The following TMEM132C variants were observed in gnomAD, a reference collection of about 807,000 sequenced individuals.
TMEM132C encodes the protein transmembrane protein 132C.
A neutral mutation model predicts 61.4 loss-of-function variants in TMEM132C; 29 were observed. The ratio of observed to expected loss-of-function variants is 0.47; its 90% CI spans 0.35 to 0.64. The LOEUF is 0.64. TMEM132C is among the 30% of genes least tolerant of loss of function. The pLI is 0.00. For missense variants in TMEM132C, 1,408 were observed against 1,476.9 expected, an observed-to-expected ratio of 0.95 and a Z score of 0.76; for synonymous variants, 656 against 633.1, an observed-to-expected ratio of 1.04 and a Z score of -0.54.
chr12:128,559,221 C>A (rs1046271158), intron 3 of TMEM132C, among the ~76,000 whole-genome samples: 15 of 151,098 alleles, frequency 9.9e-5, no homozygotes, highest in African/African-American at 3.7e-4. Context: ...CAACTTCAAA[C>A]AATTTTTTTT....
chr12:128,270,471 G>T (rs1411953978), intron 1 of TMEM132C, among the ~76,000 whole-genome samples: 6 of 152,136 alleles, frequency 3.9e-5, no homozygotes, highest in Non-Finnish European at 8.8e-5. Flanking sequence ...ATCAGTGTTG[G>T]CCACGGAATG....
intron 2 of TMEM132C, among the ~76,000 whole-genome samples, chr12:128,503,621 AT>A (rs1872254002): frequency 6.6e-6 from 1 of 152,238 alleles, no homozygotes; most frequent in African/African-American, 2.4e-5. Context: ...GCTAATGCTT[AT>A]GGGATAGTTA....
intron 3 of TMEM132C, among the ~76,000 whole-genome samples, chr12:128,565,774 A>G (rs950656756): frequency 2.6e-5 from 4 of 151,988 alleles, no homozygotes; most frequent in African/African-American, 7.3e-5. Flanking sequence ...GAAATTCACC[A>G]TCTATTTGGG....
At position 128,278,187 on chromosome 12, in the gene TMEM132C, CT is replaced by C. The variant is rs1870755953; in HGVS notation, c.85+10701del. 1.3e-5 allele frequency among the ~76,000 whole-genome samples: 2 copies of C among 152,158 alleles called. No individual in the cohort carries two copies. The highest frequency in any genetic ancestry group is 4.8e-5 in the African/African-American group (2 of 41,442). On this transcript the variant is annotated intron_variant, in intron 1 of 8. Coordinates refer to ENST00000435159, the MANE Select transcript of TMEM132C (RefSeq NM_001136103.3). The surrounding 1 kb of genome is among the most constrained non-coding windows in gnomAD (Gnocchi z 4.2). ...GGAGAACAAAAATCTCAGGGGAAGT[CT>C]ATGTTTCGGGGCATTTGTTCTGCTC...
In TMEM132C at chr12:128,619,462, G is replaced by A. The variant is rs188086389; in HGVS notation, c.1305+3127G>A. Among the ~76,000 whole-genome samples the A allele has an allele frequency of 1.9e-3, 282 of 152,332 alleles. 2 individuals are homozygous for A. Among genetic ancestry groups the A allele is most frequent in the African/African-American group, 6.3e-3 (263 of 41,576 alleles). ...TCTCCCCAGAGCAGACCCTGCAGGC[G>A]GAAGCCACCTGAATCTCACTTGCTG... On this transcript the variant is annotated intron_variant, in intron 4 of 8. Transcript: ENST00000435159.
rs148886286 is a variant in TMEM132C at position 128,268,653 on chromosome 12, C to G, written c.85+1166C>G. 2.9e-3 allele frequency among the ~76,000 whole-genome samples: 437 copies of G among 152,266 alleles called. 5 individuals carry two copies. Among genetic ancestry groups the G allele is most frequent in the African/African-American group, 1.0e-2 (415 of 41,576 alleles). The stretch of plus-strand genomic sequence containing the variant: ...ACACTCAAAGCCACCCTTCTCCCGC[C>G]TAATGCTCTGAGGCTGAGCTAGAAA... On this transcript the variant is annotated intron_variant, in intron 1 of 8. Transcript: ENST00000435159.
Position 128,414,844 on chromosome 12 carries a change from A to C in TMEM132C, c.198A>C (p.Glu66Asp). 2 of 1,549,366 alleles carry C rather than the reference A, an allele frequency of 1.3e-6. No individual in the cohort carries two copies. The highest frequency in any genetic ancestry group is 1.7e-6 in the Non-Finnish European group (2 of 1,147,060). The change falls in exon 2 of 9, where the codon GAA (glutamate) becomes GAC (aspartate). Residue 66 changes from glutamate to aspartate, a missense_variant. Glu to Asp is a conservative substitution (Grantham distance 45). Transcript: ENST00000435159. The stretch of plus-strand genomic sequence containing the variant: ...CAGAGACCTCCTTCTTCCTCAAGGA[A>C]GCCAACCAGGACCTGCTGCGGAACT... Reference protein sequence around the residue: ...LRAETSFFLKEANQDLLRNSS... With the variant: ...LRAETSFFLKDANQDLLRNSS...
At chr12:128,495,225 T>C (rs1871901138) in intron 2 of TMEM132C, among the ~76,000 whole-genome samples, 1 of 152,054 alleles carries the variant, frequency 6.6e-6, no homozygotes, top group Non-Finnish European at 1.5e-5. Context: ...TTCTGTTCTT[T>C]TACATTTGCT....
At position 128,611,627 on chromosome 12, in the gene TMEM132C, G is replaced by A. The variant is rs117620856; in HGVS notation, c.1122-4525G>A. On this transcript the variant is annotated intron_variant, in intron 3 of 8. Coordinates refer to ENST00000435159, the MANE Select transcript of TMEM132C (RefSeq NM_001136103.3). ...CTCAGGTCACAGCAAACTATAAAAT[G>A]CTTTTGCCAGAATATGTAGATACTG... Among the ~76,000 whole-genome samples, 886 of 152,310 alleles carry A rather than the reference G, an allele frequency of 5.8e-3. 4 individuals are homozygous for A. The highest frequency in any genetic ancestry group is 0.01 in the Middle Eastern group (3 of 294).
At chr12:128,465,939 CGAGTGAAGCACTGG>C (rs1870718849) in intron 2 of TMEM132C, among the ~76,000 whole-genome samples, 1 of 151,902 alleles carries the variant, frequency 6.6e-6, no homozygotes, top group South Asian at 2.1e-4. Context: ...TAAGGGAAGG[CGAGTGAAGCACTGG>C]GAGTGAGGTT....
chr12:128,327,959 G>T (rs142975326), intron 1 of TMEM132C, among the ~76,000 whole-genome samples: 3 of 152,148 alleles, frequency 2.0e-5, no homozygotes, highest in African/African-American at 7.2e-5. Context: ...TTTCTTATTA[G>T]ACTTAAAGTC....
At chr12:128,554,280 G>C (rs879423625) in intron 3 of TMEM132C, among the ~76,000 whole-genome samples, 1 of 152,162 alleles carries the variant, frequency 6.6e-6, no homozygotes, top group East Asian at 1.9e-4. Flanking sequence ...GTAAGGAAGC[G>C]GGTGGAATGA....
chr12:128,268,147 C>T lies in TMEM132C; in HGVS notation c.85+660C>T, dbSNP rs545206315. 2.8e-4 allele frequency among the ~76,000 whole-genome samples: 43 copies of T among 152,292 alleles called. 1 individual carries two copies. Among genetic ancestry groups the T allele is most frequent in the South Asian group, 6.2e-4 (3 of 4,824 alleles). On this transcript the variant is annotated intron_variant, in intron 1 of 8. Coordinates refer to ENST00000435159, the MANE Select transcript of TMEM132C (RefSeq NM_001136103.3). Reference sequence around the variant, plus strand: ...AGCGCGGATGGGGAGGTGGGTGCGTCCCTCGCGACGGGAACTACCTCACCA... The same window carrying T: ...AGCGCGGATGGGGAGGTGGGTGCGTTCCTCGCGACGGGAACTACCTCACCA...
At chr12:128,407,346 T>C (rs551839174) in intron 1 of TMEM132C, among the ~76,000 whole-genome samples, 1 of 152,318 alleles carries the variant, frequency 6.6e-6, no homozygotes, top group South Asian at 2.1e-4. Context: ...TAAACCTCTT[T>C]TTCTTTTATA....
chr12:128,267,292 C>A lies in TMEM132C; in HGVS notation c.-111C>A. On this transcript the variant is annotated 5_prime_UTR_variant, in exon 1 of 9. Coordinates refer to ENST00000435159, the MANE Select transcript of TMEM132C (RefSeq NM_001136103.3). ...TCGGACAGCAGAGACGCAGCGGGCC[C>A]GGCCGACCGGGCTGCGGGAGTGGCC... The A allele has an allele frequency of 1.5e-6, 1 of 667,136 alleles. No homozygotes were observed. Among genetic ancestry groups the A allele is most frequent in the Non-Finnish European group, 1.8e-6 (1 of 541,114 alleles). 41.3% of individuals were successfully genotyped at this position (667,136 alleles called of 1,614,324 possible).
At chr12:128,465,521 T>G (rs543366581) in intron 2 of TMEM132C, among the ~76,000 whole-genome samples, 36 of 152,342 alleles carry the variant, frequency 2.4e-4, no homozygotes, top group Admixed American at 5.9e-4. Context: ...TTCATTCACA[T>G]GAGAGATACT....
chr12:128,665,588 T>G (rs1954453107), intron 4 of TMEM132C, among the ~76,000 whole-genome samples: 1 of 119,898 alleles, frequency 8.3e-6, no homozygotes, highest in Admixed American at 8.2e-5. Flanking sequence ...TGCACCCATA[T>G]GCACACAGGC....
intron 1 of TMEM132C, among the ~76,000 whole-genome samples, chr12:128,347,376 G>A (rs893189503): frequency 7.1e-6 from 1 of 141,232 alleles, no homozygotes; most frequent in Non-Finnish European, 1.5e-5. Context: ...GAATTATGCT[G>A]CCATAAGCAT....
chr12:128,584,134 A>G (rs1875452421), intron 3 of TMEM132C, among the ~76,000 whole-genome samples: 1 of 152,216 alleles, frequency 6.6e-6, no homozygotes, highest in South Asian at 2.1e-4. Context: ...TCTTGCTGGC[A>G]TTGGAGATAT....
Sources: allele counts gnomAD v4.1 joint callset (sites outside exome capture counted in the v4.1 genomes callset), GRCh38; gene constraint gnomAD v4.1.1; non-coding constraint Gnocchi (gnomAD v3.1); transcripts MANE v1.5; gene names NCBI Gene and HGNC (gene_info 2026-07-23, HGNC 2026-07-21).